Variants in IK observed in about 807,000 individuals in gnomAD.
IK encodes the protein IK cytokine.
In IK, 47 loss-of-function variants were observed where a neutral mutation model predicts 90.9. The observed-to-expected ratio is 0.52, with a 90% CI of 0.41 to 0.66. The LOEUF (loss-of-function observed/expected upper bound fraction) is 0.66, where lower values mean the gene tolerates loss of function less well. Ranked by LOEUF, IK falls within the 30% of genes least tolerant of loss-of-function variation. IK has a pLI of 0.00. For missense variants in IK, 385 were observed against 709.3 expected, an observed-to-expected ratio of 0.54 and a Z score of 5.19; for synonymous variants, 201 against 227.5, an observed-to-expected ratio of 0.88 and a Z score of 1.05.
intron 15 of IK, 142 bp from the exon 16 acceptor site, chr5:140,660,615 TG>T (rs1757788472): frequency 1.6e-6 from 1 of 627,492 alleles, no homozygotes; most frequent in African/African-American, 1.9e-5. Flanking sequence ...ACTTCTTACT[TG>T]GATGAACTAT....
rs368962559 is a variant in IK, at chr5:140,647,838, G to A, written c.-71G>A. 2.5e-6 allele frequency: 4 copies of A among 1,589,596 alleles called. No individual in the cohort carries two copies. In the East Asian group the frequency reaches 6.7e-5, roughly 27 times the overall value. ...GGGTTGATTCTGAGGTGCACTGTGG[G>A]AAAGAGCTTGTCGCTGCGGTGTTGC... On this transcript the variant is annotated 5_prime_UTR_variant, in exon 1 of 20. Transcript: ENST00000417647.
chr5:140,648,406 CA>C, intron 1 of IK, 64 bp from the exon 2 acceptor site: 4 of 1,471,182 alleles, frequency 2.7e-6, no homozygotes, highest in Non-Finnish European at 2.9e-6. Flanking sequence ...TACTATATCT[CA>C]AATTTTTGCA....
chr5:140,653,858 C>G, intron 5 of IK, 80 bp from the exon 6 acceptor site: 1 of 822,338 alleles, frequency 1.2e-6, no homozygotes, highest in South Asian at 1.5e-5. Context: ...CCGCCTTGAC[C>G]TCCCAGAGTA....
intron 1 of IK, chr5:140,648,167 G>A: frequency 2.8e-6 from 2 of 706,856 alleles, no homozygotes; most frequent in Non-Finnish European, 5.1e-6. Flanking sequence ...GCTTTTGTGC[G>A]TGGATCGCTT....
chr5:140,662,182 A>T lies in IK; in HGVS notation c.1615A>T (p.Ile539Phe), dbSNP rs770743190. The change falls in exon 19 of 20, where the codon ATT (isoleucine) becomes TTT (phenylalanine). Residue 539 changes from isoleucine to phenylalanine, a missense_variant. This residue lies in a region of IK where 29 missense variants were observed against 41.8 expected (regional missense o/e 0.69). Coordinates refer to ENST00000417647, the MANE Select transcript of IK (RefSeq NM_006083.4). The part of the protein sequence containing the change: ...DRQWKKISAI[I>F]EKRKKMEADG... ...GACTATCCTGTTGTTTTTGCAGATC[A>T]TTGAGAAGAGGAAGAAGATGGAAGC... is the stretch of plus-strand genomic sequence containing the variant. 6.2e-7 allele frequency: 1 copy of T among 1,613,974 alleles called. No individual in the cohort carries two copies. The highest frequency in any genetic ancestry group is 2.2e-5 in the East Asian group (1 of 44,880).
At chr5:140,650,975 G>A (rs752949487) in intron 2 of IK, among the ~76,000 whole-genome samples, 3 of 152,156 alleles carry the variant, frequency 2.0e-5, no homozygotes, top group Non-Finnish European at 4.4e-5. Flanking sequence ...AATAAATGGA[G>A]TTGCTGGCTC....
intron 4 of IK, among the ~76,000 whole-genome samples, 175 bp from the exon 5 acceptor site, chr5:140,652,802 T>C (rs1757637816): frequency 6.6e-6 from 1 of 152,200 alleles, no homozygotes; most frequent in South Asian, 2.1e-4. Context: ...TGGAAGAAGT[T>C]GTAGTTCTGA....
intron 1 of IK, 97 bp from the exon 2 acceptor site, chr5:140,648,374 A>C: frequency 1.9e-6 from 2 of 1,065,230 alleles, no homozygotes; most frequent in Non-Finnish European, 2.9e-6. Context: ...CGCTGTTCTA[A>C]CTTTTGTTCT....
chr5:140,653,857 C>A, intron 5 of IK, 81 bp from the exon 6 acceptor site: 1 of 807,054 alleles, frequency 1.2e-6, no homozygotes, highest in Non-Finnish European at 2.1e-6. Flanking sequence ...TCCGCCTTGA[C>A]CTCCCAGAGT....
intron 18 of IK, 34 bp downstream of exon 18, chr5:140,662,041 C>T (rs1383516769): frequency 3.8e-6 from 6 of 1,573,354 alleles, no homozygotes; most frequent in Non-Finnish European, 5.2e-6. Context: ...GGGAGGGTTT[C>T]AGCTGGGAGA....
At chr5:140,656,131 C>T (rs1757705533) in intron 9 of IK, 139 bp downstream of exon 9, 1 of 702,076 alleles carries the variant, frequency 1.4e-6, no homozygotes, top group East Asian at 2.8e-5. Context: ...TGAATCCATT[C>T]ACTTTTCCAC....
intron 2 of IK, among the ~76,000 whole-genome samples, chr5:140,649,547 C>G (rs1757578641): frequency 1.3e-5 from 2 of 150,456 alleles, no homozygotes; most frequent in Admixed American, 1.3e-4. Context: ...CCACAGTTAC[C>G]TTTTTTGGCA....
chr5:140,658,660 A>G, intron 10 of IK, 77 bp from the exon 11 acceptor site: 2 of 1,190,544 alleles, frequency 1.7e-6, no homozygotes. Flanking sequence ...AAAGGGCATT[A>G]AGAGCTGGAG....
Position 140,659,174 on chromosome 5 carries a change from G to A in IK, c.1176+10G>A, listed in dbSNP as rs1274577095. The A allele has an allele frequency of 1.3e-6, 2 of 1,589,268 alleles. No homozygotes were observed. Among genetic ancestry groups the A allele is most frequent in the African/African-American group, 2.7e-5 (2 of 74,404 alleles). On this transcript the variant is annotated intron_variant, in intron 12 of 19. Coordinates refer to ENST00000417647, the MANE Select transcript of IK (RefSeq NM_006083.4). ...AAAAGTAGATGATGAGGTGAGATGT[G>A]GGCCCTTAGTACCAGGTGATGGAGT...
Position 140,657,681 on chromosome 5 carries a change from AGAG to A in IK, c.910+20_910+22del. On this transcript the variant is annotated intron_variant, in intron 10 of 19. Coordinates refer to ENST00000417647, the MANE Select transcript of IK (RefSeq NM_006083.4). ...GATAAAGGTACCTGGAGGGTTAGAG[AGAG>A]AAGCCTTACCCACAGAGGACGTTTG... The A allele has an allele frequency of 6.5e-7, 1 of 1,534,558 alleles. No homozygotes were observed. The highest frequency in any genetic ancestry group is 9.0e-7 in the Non-Finnish European group (1 of 1,112,116).
intron 1 of IK, 170 bp from the exon 2 acceptor site, chr5:140,648,296 CTGCTT>C (rs1757530621): frequency 1.4e-6 from 1 of 723,808 alleles, no homozygotes; most frequent in East Asian, 2.6e-5. Flanking sequence ...TTAGGGTCCT[CTGCTT>C]TGTGCTCCCA....
chr5:140,662,079 G>C, intron 18 of IK, 72 bp downstream of exon 18: 2 of 1,579,110 alleles, frequency 1.3e-6, no homozygotes, highest in Non-Finnish European at 1.7e-6. Flanking sequence ...TTCAGGAACA[G>C]GCAAGGGGCT....
intron 5 of IK, 62 bp from the exon 6 acceptor site, chr5:140,653,876 T>C: frequency 2.0e-6 from 2 of 1,006,516 alleles, no homozygotes; most frequent in Admixed American, 2.0e-5. Flanking sequence ...GTACTGGGAT[T>C]ACAGGCGTGA....
intron 6 of IK, among the ~76,000 whole-genome samples, 189 bp from the exon 7 acceptor site, chr5:140,654,327 C>T (rs1257044771): frequency 6.6e-6 from 1 of 152,226 alleles, no homozygotes; most frequent in Admixed American, 6.5e-5. Flanking sequence ...GTTTCATTTA[C>T]CACAGCAGTT....
Sources: allele counts gnomAD v4.1 joint callset (sites outside exome capture counted in the v4.1 genomes callset), GRCh38; gene constraint gnomAD v4.1.1; regional missense constraint gnomAD v4.1.1; transcripts MANE v1.5; gene names NCBI Gene and HGNC (gene_info 2026-07-23, HGNC 2026-07-21).